Variants in RARB observed in about 807,000 individuals in gnomAD.
The protein encoded by RARB is retinoic acid receptor beta, also known as HBV-activated protein.
A neutral mutation model predicts 51.9 loss-of-function variants in RARB; 17 were observed. The observed-to-expected ratio is 0.33, with a 90% CI of 0.22 to 0.49. The LOEUF is 0.49. Among genes scored for constraint, RARB ranks in the 20% least tolerant of loss-of-function variants. The pLI is 0.99. For missense variants in RARB, 369 were observed against 550.8 expected, an observed-to-expected ratio of 0.67 and a Z score of 3.30; for synonymous variants, 215 against 195.4, an observed-to-expected ratio of 1.10 and a Z score of -0.84.
intron 2 of RARB, among the ~76,000 whole-genome samples, chr3:24,893,764 A>G (rs1703430921): frequency 6.6e-6 from 1 of 151,916 alleles, no homozygotes; most frequent in Non-Finnish European, 1.5e-5. Flanking sequence ...GACTCAAGCA[A>G]TCCTCCTACC....
At chr3:25,481,598 G>A (rs1458603947) in intron 2 of RARB, among the ~76,000 whole-genome samples, 3 of 152,224 alleles carry the variant, frequency 2.0e-5, no homozygotes, top group African/African-American at 4.8e-5. Context: ...CCTATCAGCT[G>A]GTGGCAGGCA....
At chr3:24,866,429 C>T (rs997989104) in intron 2 of RARB, among the ~76,000 whole-genome samples, 8 of 152,194 alleles carry the variant, frequency 5.3e-5, no homozygotes, top group South Asian at 2.1e-4. Context: ...GCTAATGACC[C>T]GTTGTAACAC....
chr3:25,097,503 G>T (rs1193922439), intron 3 of RARB, among the ~76,000 whole-genome samples: 1 of 152,158 alleles, frequency 6.6e-6, no homozygotes, highest in Non-Finnish European at 1.5e-5. Context: ...CAAAAGCCAG[G>T]TGCAGTGGTG....
chr3:25,192,638 A>G (rs1408342525), intron 5 of RARB, among the ~76,000 whole-genome samples: 2 of 152,068 alleles, frequency 1.3e-5, no homozygotes, highest in East Asian at 1.9e-4. Flanking sequence ...TTGGTTTGCC[A>G]TAATTAGGGG....
chr3:24,959,397 A>G (rs1385871589), intron 2 of RARB, among the ~76,000 whole-genome samples: 1 of 152,192 alleles, frequency 6.6e-6, no homozygotes, highest in Admixed American at 6.5e-5. Context: ...AAGTCCCACC[A>G]TCAAGCCATC....
intron 2 of RARB, among the ~76,000 whole-genome samples, chr3:25,475,869 G>A (rs1204609730): frequency 6.6e-6 from 1 of 152,164 alleles, no homozygotes; most frequent in Non-Finnish European, 1.5e-5. Flanking sequence ...TCCCATTTTA[G>A]TTATGGTAAG....
At chr3:24,847,159 G>A (rs1168447870) in intron 1 of RARB, among the ~76,000 whole-genome samples, 1 of 152,200 alleles carries the variant, frequency 6.6e-6, no homozygotes, top group Non-Finnish European at 1.5e-5. Context: ...TAGTCTGAGG[G>A]TGGGAACCAG....
chr3:25,562,633 T>A (rs1006732503), intron 3 of RARB, among the ~76,000 whole-genome samples: 1 of 152,246 alleles, frequency 6.6e-6, no homozygotes, highest in African/African-American at 2.4e-5. Context: ...ATTTTCTTTT[T>A]TCTCATTTCT....
intron 1 of RARB, among the ~76,000 whole-genome samples, chr3:25,433,605 G>T (rs1003726034): frequency 2.6e-5 from 4 of 152,162 alleles, no homozygotes; most frequent in Admixed American, 6.5e-5. Flanking sequence ...AGTTGGAGCT[G>T]GGGTGATGGA....
chr3:25,145,850 A>G (rs1384899678), intron 4 of RARB, among the ~76,000 whole-genome samples: 1 of 141,088 alleles, frequency 7.1e-6, no homozygotes. Context: ...ACAAAAAAAA[A>G]TATTAACCAG....
chr3:25,369,795 G>A (rs1336822355), intron 5 of RARB, among the ~76,000 whole-genome samples: 1 of 152,152 alleles, frequency 6.6e-6, no homozygotes, highest in Non-Finnish European at 1.5e-5. Context: ...GGTGGCACAT[G>A]CCTGTAATCC....
intron 4 of RARB, among the ~76,000 whole-genome samples, chr3:25,140,945 A>C (rs1464700714): frequency 6.6e-6 from 1 of 152,152 alleles, no homozygotes; most frequent in Admixed American, 6.5e-5. Context: ...AGTTATGTAG[A>C]TGACTTTTTT....
At chr3:25,557,887 G>A (rs1700124793) in intron 3 of RARB, among the ~76,000 whole-genome samples, 1 of 152,152 alleles carries the variant, frequency 6.6e-6, no homozygotes, top group Admixed American at 6.5e-5. Context: ...AAGCTGCCCT[G>A]TTGCTTCTCT....
chr3:25,058,171 T>G (rs903316820), intron 2 of RARB, among the ~76,000 whole-genome samples: 7 of 151,986 alleles, frequency 4.6e-5, no homozygotes, highest in African/African-American at 1.7e-4. Context: ...TTATCAGATG[T>G]AATCTTTTAA....
chr3:25,551,772 G>A lies in RARB; in HGVS notation c.449-17986G>A, dbSNP rs544610252. ...CAGAGATACAGAATTCTTTAGATGG[G>A]CTGCCAGATAGGTCTTGTGGGGATC... On this transcript the variant is annotated intron_variant, in intron 3 of 7. Coordinates refer to ENST00000330688, the MANE Select transcript of RARB (RefSeq NM_000965.5). 2.0e-5 allele frequency among the ~76,000 whole-genome samples: 3 copies of A among 152,278 alleles called. No individual in the cohort carries two copies. The East Asian group carries it at 5.8e-4, about 29-fold the overall frequency.
At chr3:25,059,200 C>G (rs936086428) in intron 2 of RARB, among the ~76,000 whole-genome samples, 2 of 151,752 alleles carry the variant, frequency 1.3e-5, no homozygotes, top group Admixed American at 1.3e-4. Context: ...ATTGTTGCAT[C>G]TCAGTTGAGT....
intron 1 of RARB, among the ~76,000 whole-genome samples, chr3:24,857,103 G>A (rs1702649044): frequency 1.3e-5 from 2 of 152,248 alleles, no homozygotes; most frequent in Non-Finnish European, 1.5e-5. Context: ...ACACTCATCA[G>A]TAAGATTCAT....
At chr3:25,329,959 T>G (rs1704842120) in intron 5 of RARB, among the ~76,000 whole-genome samples, 1 of 151,916 alleles carries the variant, frequency 6.6e-6, no homozygotes, top group South Asian at 2.1e-4. Context: ...AAGAGAAGTT[T>G]AGAGAAAAAT....
intron 3 of RARB, among the ~76,000 whole-genome samples, chr3:25,116,507 T>C (rs1699690562): frequency 6.6e-6 from 1 of 152,146 alleles, no homozygotes. Flanking sequence ...GTCTACTTAA[T>C]GTTTTCAGTC....
Sources: gnomAD v4.1 joint callset for allele counts (sites outside exome capture counted in the v4.1 genomes callset) on GRCh38, gnomAD v4.1.1 for gene constraint, MANE v1.5 for transcripts, NCBI Gene and HGNC (gene_info 2026-07-23, HGNC 2026-07-21) for gene names.